WDR7: variants seen among roughly 807,000 people sequenced by gnomAD.
WDR7 encodes WD repeat-containing protein 7.
In WDR7, 46 loss-of-function variants were observed where a neutral mutation model predicts 169.4. The ratio of observed to expected loss-of-function variants is 0.27; its 90% CI spans 0.21 to 0.35. The LOEUF (loss-of-function observed/expected upper bound fraction) is 0.35. Ranked by LOEUF, WDR7 falls within the 10% of genes least tolerant of loss-of-function variation. WDR7 has a pLI of 1.00. For missense variants in WDR7, 1,534 were observed against 1,859.3 expected (o/e 0.83, Z 3.22); for synonymous variants, 612 against 666.8 (o/e 0.92, Z 1.27).
intron 25 of WDR7, among the ~76,000 whole-genome samples, chr18:56,955,576 A>G (rs2047239608): frequency 6.6e-6 from 1 of 152,176 alleles, no homozygotes; most frequent in South Asian, 2.1e-4. Context: ...ATTAGTTGAC[A>G]CTTATTTGCC....
At chr18:56,847,800 C>T (rs1024738442) in intron 20 of WDR7, among the ~76,000 whole-genome samples, 1 of 152,202 alleles carries the variant, frequency 6.6e-6, no homozygotes, top group Non-Finnish European at 1.5e-5. Context: ...TGGTGGCTTC[C>T]ACATCGTGTT....
chr18:56,706,417 A>T (rs17682675), intron 12 of WDR7, among the ~76,000 whole-genome samples: 14,273 of 152,240 alleles, frequency 0.094, 888 homozygotes, highest in Non-Finnish European at 0.14. Context: ...TTTAGAACCA[A>T]ACAGACCTGG....
chr18:56,845,835 A>T (rs2045558379), intron 20 of WDR7, among the ~76,000 whole-genome samples: 1 of 152,190 alleles, frequency 6.6e-6, no homozygotes, highest in Non-Finnish European at 1.5e-5. Flanking sequence ...CAAAGAAACA[A>T]TTGTTTTATT....
chr18:56,828,884 C>G (rs940326881), intron 20 of WDR7, among the ~76,000 whole-genome samples: 1 of 151,852 alleles, frequency 6.6e-6, no homozygotes, highest in Non-Finnish European at 1.5e-5. Flanking sequence ...GAAAGTAAAC[C>G]AAGAAAGAGG....
chr18:56,867,626 G>A (rs1211194039), intron 20 of WDR7, among the ~76,000 whole-genome samples: 1 of 152,164 alleles, frequency 6.6e-6, no homozygotes, highest in African/African-American at 2.4e-5. Flanking sequence ...AAAATGGCAT[G>A]ACATCTTATA....
chr18:56,776,818 A>G lies in WDR7; in HGVS notation c.2885A>G (p.Asp962Gly). The G allele has an allele frequency of 6.2e-7, 1 of 1,613,896 alleles. No homozygotes were observed. The highest frequency in any genetic ancestry group is 8.5e-7 in the Non-Finnish European group (1 of 1,179,898). Reference sequence around the variant, plus strand: ...GTCGTTTCCGCTCGGTCTGATGCTGATCACTCTGGCTCTGACCCTCCTTCT... The same window carrying G: ...GTCGTTTCCGCTCGGTCTGATGCTGGTCACTCTGGCTCTGACCCTCCTTCT... Reference protein sequence around the residue: ...APVVSARSDADHSGSDPPSAP... With the variant: ...APVVSARSDAGHSGSDPPSAP... The change falls in exon 17 of 28, where the codon GAT (aspartate) becomes GGT (glycine). Residue 962 changes from aspartate to glycine, a missense_variant. By Grantham distance (94) the Asp-to-Gly change is moderately conservative. Coordinates refer to ENST00000254442, the MANE Select transcript of WDR7 (RefSeq NM_015285.3).
intron 25 of WDR7, among the ~76,000 whole-genome samples, chr18:56,953,577 TC>T (rs1312903784): frequency 1.3e-4 from 20 of 152,376 alleles, no homozygotes; most frequent in African/African-American, 4.6e-4. Context: ...TGTCAGGCAG[TC>T]CCTGCCCTAA....
intron 26 of WDR7, among the ~76,000 whole-genome samples, chr18:56,994,364 G>A (rs1213709248): frequency 7.4e-6 from 1 of 134,802 alleles, no homozygotes. Context: ...TGTATTCTGT[G>A]TGTGTTATGT....
At chr18:56,875,787 C>T (rs2046013958) in intron 20 of WDR7, among the ~76,000 whole-genome samples, 1 of 152,162 alleles carries the variant, frequency 6.6e-6, no homozygotes. Flanking sequence ...TAATTTTTAT[C>T]TAGCATAATC....
At chr18:56,962,008 G>A in intron 25 of WDR7, among the ~76,000 whole-genome samples, 1 of 152,032 alleles carries the variant, frequency 6.6e-6, no homozygotes, top group East Asian at 1.9e-4. Context: ...TAATAAACCA[G>A]GAGAACATAA....
intron 21 of WDR7, among the ~76,000 whole-genome samples, chr18:56,897,295 C>A (rs2046343502): frequency 6.6e-6 from 1 of 151,850 alleles, no homozygotes; most frequent in Non-Finnish European, 1.5e-5. Context: ...AACCTTTTCA[C>A]ATGTAACCCA....
chr18:56,908,543 G>A (rs186012416), intron 21 of WDR7, among the ~76,000 whole-genome samples: 1 of 152,250 alleles, frequency 6.6e-6, no homozygotes, highest in East Asian at 1.9e-4. Flanking sequence ...TTTCAAACAA[G>A]TATTGTATAT....
chr18:56,889,239 T>A (rs569874228), intron 21 of WDR7, among the ~76,000 whole-genome samples: 110 of 152,318 alleles, frequency 7.2e-4, no homozygotes, highest in African/African-American at 2.5e-3. Context: ...AAATTACGTG[T>A]GTCCCAGTTC....
At chr18:56,739,416 C>G (rs77132567) in intron 14 of WDR7, among the ~76,000 whole-genome samples, 5,327 of 152,160 alleles carry the variant, frequency 0.035, 323 homozygotes, top group African/African-American at 0.12. Context: ...GCCCCCCCTT[C>G]TTTTTACATT....
At chr18:56,665,990 A>C (rs2025012294) in intron 1 of WDR7, among the ~76,000 whole-genome samples, 1 of 151,908 alleles carries the variant, frequency 6.6e-6, no homozygotes, top group Non-Finnish European at 1.5e-5. Context: ...TTCCATATTG[A>C]TCCGTCACTG....
chr18:56,854,764 C>A (rs1256212992), intron 20 of WDR7, among the ~76,000 whole-genome samples: 1 of 151,994 alleles, frequency 6.6e-6, no homozygotes, highest in African/African-American at 2.4e-5. Flanking sequence ...TTTTCATGAC[C>A]AGCTCCAAGA....
chr18:56,735,092 T>G (rs2026670513), intron 14 of WDR7, among the ~76,000 whole-genome samples: 1 of 152,202 alleles, frequency 6.6e-6, no homozygotes, highest in South Asian at 2.1e-4. Context: ...TCTAACATTT[T>G]AATGTAAGAC....
intron 20 of WDR7, among the ~76,000 whole-genome samples, chr18:56,832,687 C>G (rs1385227993): frequency 4.6e-5 from 7 of 152,186 alleles, no homozygotes; most frequent in Non-Finnish European, 1.0e-4. Flanking sequence ...ACTGGTGATA[C>G]CTGGGCAAAC....
intron 14 of WDR7, among the ~76,000 whole-genome samples, chr18:56,734,449 A>T (rs1018557655): frequency 6.6e-6 from 1 of 151,792 alleles, no homozygotes; most frequent in African/African-American, 2.4e-5. Flanking sequence ...CAGTTGTGAC[A>T]ATCAGATGTC....
Sources: gnomAD v4.1 joint callset for allele counts (sites outside exome capture counted in the v4.1 genomes callset) on GRCh38, gnomAD v4.1.1 for gene constraint, MANE v1.5 for transcripts, NCBI Gene and HGNC (gene_info 2026-07-23, HGNC 2026-07-21) for gene names.